Variants in C13orf46 observed in about 807,000 individuals in gnomAD.
C13orf46 encodes the protein uncharacterized protein C13orf46.
At chr13:113,961,093 TTTGA>T (rs1462332283) in intron 6 of C13orf46, among the ~76,000 whole-genome samples, 1 of 152,216 alleles carries the variant, frequency 6.6e-6, no homozygotes, top group African/African-American at 2.4e-5. Flanking sequence ...GTAATTCTGT[TTTGA>T]TTGTTTTGAA....
chr13:113,936,815 A>G, the C13orf46 span, among the ~76,000 whole-genome samples: 1 of 151,372 alleles, frequency 6.6e-6, no homozygotes, highest in African/African-American at 2.5e-5. Context: ...CAGGGGGGGA[A>G]ATCAGTTGTC....
At chr13:113,935,307 G>T in the C13orf46 span, among the ~76,000 whole-genome samples, 1 of 152,240 alleles carries the variant, frequency 6.6e-6, no homozygotes, top group Non-Finnish European at 1.5e-5. Context: ...TGGGAGGGGC[G>T]ACTGCAGAGG....
the C13orf46 span, among the ~76,000 whole-genome samples, chr13:113,935,127 G>A: frequency 2.0e-5 from 3 of 152,236 alleles, no homozygotes; most frequent in Admixed American, 1.3e-4. Flanking sequence ...AGCACAGCCC[G>A]AGGGGGGGAA....
At chr13:113,928,297 A>G in the C13orf46 span, 1 of 152,288 alleles carries the variant, frequency 6.6e-6, no homozygotes, top group East Asian at 1.9e-4. Flanking sequence ...GAGCCAGAGA[A>G]GAAAGTCTTC....
chr13:113,955,549 TGGAGAGGAGGAGCATCTC>T lies in C13orf46; in HGVS notation c.*1206_*1223del, dbSNP rs2052520748. ...TCTGGCGGAGACGAGGAGCATCTCGTGGAGAGGAGGAGCATCTCGTGGAGAGGAGGAGCATCTCGTGGA... is the reference window on the plus strand; with the variant it reads ...TCTGGCGGAGACGAGGAGCATCTCGTGTGGAGAGGAGGAGCATCTCGTGGA... On this transcript the variant is annotated 3_prime_UTR_variant, in exon 7 of 7. Transcript: ENST00000636427. The T allele has an allele frequency of 2.3e-4, 6 of 25,636 alleles. 1 individual carries two copies. The highest frequency in any genetic ancestry group is 6.3e-4 in the African/African-American group (6 of 9,522). 1.6% of individuals were successfully genotyped at this position (25,636 alleles called of 1,614,324 possible). A position where few individuals can be genotyped will look rare whatever the true frequency, so the allele number is the denominator to read the frequency against.
At chr13:113,942,538 GAGAC>G in the C13orf46 span, among the ~76,000 whole-genome samples, 3 of 152,188 alleles carry the variant, frequency 2.0e-5, no homozygotes, top group African/African-American at 7.2e-5. Flanking sequence ...GAGCCACTGA[GAGAC>G]AGCCTTACCT....
chr13:113,926,662 A>ATTC, the C13orf46 span: 1 of 152,242 alleles, frequency 6.6e-6, no homozygotes, highest in Non-Finnish European at 1.5e-5. Context: ...GAGGGATGAA[A>ATTC]TGTTCTGAAA....
chr13:113,957,890 C>T (rs1287327612), intron 6 of C13orf46, among the ~76,000 whole-genome samples: 78 of 143,096 alleles, frequency 5.5e-4, no homozygotes, highest in Middle Eastern at 8.6e-3. Flanking sequence ...ACTCCATATG[C>T]ACCCCCTTTC....
intron 1 of C13orf46, among the ~76,000 whole-genome samples, chr13:113,971,338 G>A (rs1344117437): frequency 3.3e-5 from 5 of 152,234 alleles, no homozygotes; most frequent in Non-Finnish European, 7.3e-5. Context: ...CAGCCCACAG[G>A]CCCAAGGGGC....
the C13orf46 span, among the ~76,000 whole-genome samples, chr13:113,936,993 G>A: frequency 2.4e-3 from 371 of 152,226 alleles, 3 homozygotes; most frequent in African/African-American, 8.5e-3. Flanking sequence ...TCTCGTCCTC[G>A]TAGCCTAGTG....
At chr13:113,935,130 G>C in the C13orf46 span, among the ~76,000 whole-genome samples, 936 of 152,346 alleles carry the variant, frequency 6.1e-3, 11 homozygotes, top group African/African-American at 0.021. Flanking sequence ...ACAGCCCGAG[G>C]GGGGGAACAG....
chr13:113,958,168 C>T (rs2052557630), intron 6 of C13orf46, among the ~76,000 whole-genome samples: 1 of 149,468 alleles, frequency 6.7e-6, no homozygotes, highest in African/African-American at 2.5e-5. Flanking sequence ...GGGGTCTCCC[C>T]TGCACTCTGC....
downstream of C13orf46, among the ~76,000 whole-genome samples, chr13:113,953,022 C>T (rs911267522): frequency 1.3e-5 from 2 of 152,224 alleles, no homozygotes; most frequent in East Asian, 1.9e-4. Flanking sequence ...AGCCTCGTCC[C>T]CTCCACTAAG....
At chr13:113,953,535 C>G (rs1291106467), downstream of C13orf46, among the ~76,000 whole-genome samples, 6 of 152,216 alleles carry the variant, frequency 3.9e-5, no homozygotes, top group East Asian at 1.2e-3. Context: ...CAGAGCCCAA[C>G]AGAAGGCAAA....
the C13orf46 span, among the ~76,000 whole-genome samples, chr13:113,937,290 G>A: frequency 0.28 from 43,321 of 152,108 alleles, 7,011 homozygotes; most frequent in Non-Finnish European, 0.36. Context: ...CAGTGACCGT[G>A]GTCACGCCAC....
the C13orf46 span, among the ~76,000 whole-genome samples, chr13:113,945,449 G>C: frequency 6.6e-6 from 1 of 151,994 alleles, no homozygotes; most frequent in South Asian, 2.1e-4. Flanking sequence ...GGAGGCTGAG[G>C]CAGGAGAATG....
Position 113,955,309 on chromosome 13 carries a change from A to G in C13orf46, c.*1464T>C. The stretch of plus-strand genomic sequence containing the variant: ...GGCGGAGAGGAGTAGTATCTGGCAG[A>G]GAGGAGTAGTATCTGGTGGAGAGGA... On this transcript the variant is annotated 3_prime_UTR_variant, in exon 7 of 7. Coordinates refer to ENST00000636427, the MANE Select transcript of C13orf46 (RefSeq NM_001365455.2). 1 of 111,574 alleles carries G rather than the reference A, an allele frequency of 9.0e-6. No homozygotes were observed. The highest frequency in any genetic ancestry group is 1.8e-5 in the Non-Finnish European group (1 of 54,092). 6.9% of individuals were successfully genotyped at this position (111,574 alleles called of 1,614,324 possible). A position where few individuals can be genotyped will look rare whatever the true frequency, so the allele number is the denominator to read the frequency against.
intron 2 of C13orf46, among the ~76,000 whole-genome samples, chr13:113,969,767 G>A (rs913861331): frequency 2.0e-5 from 3 of 152,190 alleles, no homozygotes; most frequent in African/African-American, 7.2e-5. Flanking sequence ...GCTGTCCAGG[G>A]CCCCACGCCC....
chr13:113,973,326 C>T (rs975698082), intron 1 of C13orf46, among the ~76,000 whole-genome samples: 10 of 152,308 alleles, frequency 6.6e-5, no homozygotes, highest in Admixed American at 3.3e-4. Flanking sequence ...ACAGAGATCA[C>T]GGTCCTCCCT....
Sources: allele counts gnomAD v4.1 joint callset (sites outside exome capture counted in the v4.1 genomes callset), GRCh38; gene constraint gnomAD v4.1.1; transcripts MANE v1.5; gene names NCBI Gene and HGNC (gene_info 2026-07-23, HGNC 2026-07-21).